Variants in ESYT2 observed in about 807,000 individuals in gnomAD.
ESYT2 encodes the protein extended synaptotagmin 2, also known as extended synaptotagmin-2.
In ESYT2, 54 loss-of-function variants were observed where a neutral mutation model predicts 107.2. That is an observed-to-expected ratio of 0.50 (90% CI 0.40 to 0.63). The LOEUF (loss-of-function observed/expected upper bound fraction) is 0.63. Among genes scored for constraint, ESYT2 ranks in the 30% least tolerant of loss-of-function variants. ESYT2 has a pLI of 0.00. For missense variants in ESYT2, 1,020 were observed against 1,094.5 expected, an observed-to-expected ratio of 0.93 and a Z score of 0.96; for synonymous variants, 491 against 434.1, an observed-to-expected ratio of 1.13 and a Z score of -1.63.
intron 4 of ESYT2, among the ~76,000 whole-genome samples, chr7:158,791,641 C>T (rs745495231): frequency 6.6e-6 from 1 of 152,200 alleles, no homozygotes; most frequent in Admixed American, 6.5e-5. Flanking sequence ...TATTTCATTA[C>T]GGTCTAGATT....
At chr7:158,796,599 G>C (rs997509716) in intron 3 of ESYT2, among the ~76,000 whole-genome samples, 2 of 152,250 alleles carry the variant, frequency 1.3e-5, no homozygotes, top group Non-Finnish European at 1.5e-5. Context: ...AGAACGTGGA[G>C]CAGAAAGACA....
rs1836777380 is a variant in ESYT2 at position 158,732,264 on chromosome 7, A to T, written c.*1943T>A. The T allele has an allele frequency of 6.6e-6, 1 of 152,166 alleles. No individual in the cohort carries two copies. The highest frequency in any genetic ancestry group is 1.5e-5 in the Non-Finnish European group (1 of 68,024). 9.4% of individuals were successfully genotyped at this position (152,166 alleles called of 1,614,324 possible). A position where few individuals can be genotyped will look rare whatever the true frequency, so the allele number is the denominator to read the frequency against. Reference sequence around the variant, plus strand: ...AAGACTTTCAACAGACCTGATTTTTAAAAAACCCTCAACAAATCTAATACT... The same window carrying T: ...AAGACTTTCAACAGACCTGATTTTTTAAAAACCCTCAACAAATCTAATACT... On this transcript the variant is annotated 3_prime_UTR_variant, in exon 23 of 23. Transcript: ENST00000275418.
At chr7:158,740,351 C>G (rs1563616738) in intron 18 of ESYT2, among the ~76,000 whole-genome samples, 1 of 152,356 alleles carries the variant, frequency 6.6e-6, no homozygotes, top group East Asian at 1.9e-4. Flanking sequence ...GGAATAGTCT[C>G]CTTTCTAAAT....
chr7:158,768,851 C>T (rs1587414884), intron 7 of ESYT2, among the ~76,000 whole-genome samples: 2 of 152,124 alleles, frequency 1.3e-5, no homozygotes, highest in South Asian at 2.1e-4. Flanking sequence ...CAACACAGAG[C>T]GAGACCCCTC....
chr7:158,767,896 A>G, intron 7 of ESYT2, 122 bp from the exon 8 acceptor site: 2 of 1,155,108 alleles, frequency 1.7e-6, no homozygotes, highest in Non-Finnish European at 2.3e-6. Context: ...AGTAGGAGTT[A>G]TCTCATTCCT....
chr7:158,795,449 C>T (rs1252197101), intron 3 of ESYT2, among the ~76,000 whole-genome samples: 2 of 152,240 alleles, frequency 1.3e-5, no homozygotes, highest in Non-Finnish European at 1.5e-5. Flanking sequence ...CACGAACATG[C>T]TGTAACTTAG....
intron 16 of ESYT2, among the ~76,000 whole-genome samples, chr7:158,747,962 A>C (rs1837459753): frequency 6.6e-6 from 1 of 152,236 alleles, no homozygotes; most frequent in East Asian, 1.9e-4. Flanking sequence ...CATACCGCAT[A>C]ATTCTATTTG....
At chr7:158,821,830 G>A (rs1009117524) in intron 1 of ESYT2, among the ~76,000 whole-genome samples, 3 of 152,158 alleles carry the variant, frequency 2.0e-5, no homozygotes, top group Admixed American at 6.5e-5. Context: ...TCCTCCACAC[G>A]GCCGCTCGCG....
chr7:158,736,524 C>T (rs990699443), intron 20 of ESYT2, among the ~76,000 whole-genome samples: 1 of 152,132 alleles, frequency 6.6e-6, no homozygotes, highest in African/African-American at 2.4e-5. Flanking sequence ...ATCACCCTGA[C>T]CACAGAAGCA....
intron 6 of ESYT2, among the ~76,000 whole-genome samples, chr7:158,782,133 GAAC>G (rs1838872418): frequency 1.1e-4 from 2 of 18,570 alleles, no homozygotes; most frequent in Admixed American, 8.6e-4. Context: ...GTAAGAACGA[GAAC>G]AAGTGAGTGA....
chr7:158,785,575 T>C (rs1839083355), intron 6 of ESYT2, among the ~76,000 whole-genome samples: 1 of 152,246 alleles, frequency 6.6e-6, no homozygotes, highest in South Asian at 2.1e-4. Context: ...GCAGTTTACA[T>C]TCATTTGGCA....
intron 1 of ESYT2, among the ~76,000 whole-genome samples, chr7:158,814,201 G>A (rs1173354327): frequency 6.6e-6 from 1 of 150,938 alleles, no homozygotes; most frequent in Admixed American, 6.6e-5. Flanking sequence ...ATGAACCCAG[G>A]AAGCGGAGCT....
chr7:158,793,905 C>T (rs541469848), intron 3 of ESYT2, among the ~76,000 whole-genome samples, 179 bp from the exon 4 acceptor site: 1 of 152,306 alleles, frequency 6.6e-6, no homozygotes, highest in South Asian at 2.1e-4. Flanking sequence ...TGTTCCTCAC[C>T]TTCCTCCCGT....
intron 4 of ESYT2, among the ~76,000 whole-genome samples, chr7:158,793,343 G>A (rs754981971): frequency 1.4e-4 from 21 of 152,078 alleles, no homozygotes; most frequent in Admixed American, 1.3e-4. Flanking sequence ...ATATGCTGCC[G>A]AATTCAGTTT....
chr7:158,751,453 T>C (rs1313979563), intron 14 of ESYT2, among the ~76,000 whole-genome samples: 3 of 152,166 alleles, frequency 2.0e-5, no homozygotes, highest in South Asian at 4.1e-4. Flanking sequence ...ATAATAAAAA[T>C]ATAAGCGTTA....
At chr7:158,777,941 G>A (rs752059058) in intron 6 of ESYT2, among the ~76,000 whole-genome samples, 27 of 152,148 alleles carry the variant, frequency 1.8e-4, no homozygotes, top group Non-Finnish European at 3.7e-4. Flanking sequence ...TTCACAGCAC[G>A]GACAGGCTTA....
intron 7 of ESYT2, among the ~76,000 whole-genome samples, chr7:158,771,536 G>A (rs574095620): frequency 1.3e-5 from 2 of 152,340 alleles, no homozygotes; most frequent in South Asian, 2.1e-4. Context: ...TAGCGGGAAA[G>A]GCGACTAAGT....
intron 1 of ESYT2, among the ~76,000 whole-genome samples, chr7:158,823,985 A>C (rs971361449): frequency 2.0e-5 from 3 of 152,226 alleles, no homozygotes; most frequent in Admixed American, 2.0e-4. Flanking sequence ...ATTAATCTTA[A>C]GTAGAAATTT....
chr7:158,734,060 G>A lies in ESYT2; in HGVS notation c.*147C>T, dbSNP rs2129471049. 1.9e-6 allele frequency: 2 copies of A among 1,033,790 alleles called. No homozygotes were observed. The highest frequency in any genetic ancestry group is 2.8e-6 in the Non-Finnish European group (2 of 724,810). The allele number at this position is 1,033,790 out of a possible 1,614,324, so 64.0% of individuals were successfully genotyped here. On this transcript the variant is annotated 3_prime_UTR_variant, in exon 23 of 23. Coordinates refer to ENST00000275418, the MANE Select transcript of ESYT2 (RefSeq NM_001367773.1). The stretch of plus-strand genomic sequence containing the variant: ...ATGATAATATTGGCCAAATTTGCCT[G>A]AAATGTCAACAATTTTATAAAACTA...
Sources: allele counts gnomAD v4.1 joint callset (sites outside exome capture counted in the v4.1 genomes callset), GRCh38; gene constraint gnomAD v4.1.1; transcripts MANE v1.5; gene names NCBI Gene and HGNC (gene_info 2026-07-23, HGNC 2026-07-21).